The following PARD3B variants were observed in gnomAD, a reference collection of about 807,000 sequenced individuals.
PARD3B encodes the protein par-3 family cell polarity regulator beta.
PARD3B carries 103 observed loss-of-function variants against 130.2 expected under a neutral mutation model. That is an observed-to-expected ratio of 0.79 (90% CI 0.67 to 0.93). The LOEUF (loss-of-function observed/expected upper bound fraction) is 0.93. Among genes scored for constraint, PARD3B ranks in the 40% least tolerant of loss-of-function variants. The probability of loss-of-function intolerance (pLI) is 0.00; values close to 1 mark genes in which losing one functional copy is unlikely to be tolerated. For missense variants in PARD3B, 1,609 were observed against 1,499.2 expected (o/e 1.07, Z -1.21); for synonymous variants, 583 against 553.2 (o/e 1.05, Z -0.76).
intron 1 of PARD3B, among the ~76,000 whole-genome samples, chr2:204,652,818 A>G (rs2035525035): frequency 6.6e-6 from 1 of 151,202 alleles, no homozygotes; most frequent in Admixed American, 6.6e-5. Flanking sequence ...ACTTACAACC[A>G]TGGTGGAAGG....
chr2:205,063,360 A>G (rs985633271), intron 4 of PARD3B, among the ~76,000 whole-genome samples: 1 of 152,026 alleles, frequency 6.6e-6, no homozygotes, highest in African/African-American at 2.4e-5. Context: ...TTTAAAAAAT[A>G]AAGTCAAAAT....
chr2:205,255,805 C>T (rs759958036), intron 16 of PARD3B, among the ~76,000 whole-genome samples: 13 of 152,230 alleles, frequency 8.5e-5, no homozygotes, highest in South Asian at 2.1e-4. Flanking sequence ...CAGGCATCTC[C>T]GTGTGTTCAG....
At chr2:205,410,908 C>T (rs889061910) in intron 19 of PARD3B, among the ~76,000 whole-genome samples, 8 of 152,164 alleles carry the variant, frequency 5.3e-5, no homozygotes, top group Non-Finnish European at 1.0e-4. Context: ...CACCCGGCCT[C>T]CACCCGCCCC....
intron 2 of PARD3B, among the ~76,000 whole-genome samples, chr2:204,814,490 G>A (rs2043073657): frequency 1.3e-5 from 2 of 151,538 alleles, no homozygotes; most frequent in Admixed American, 1.3e-4. Context: ...TTTCTATATA[G>A]ATTCCCTGGT....
At chr2:204,684,704 C>G (rs2036995237) in intron 1 of PARD3B, among the ~76,000 whole-genome samples, 1 of 152,130 alleles carries the variant, frequency 6.6e-6, no homozygotes, top group Non-Finnish European at 1.5e-5. Context: ...AGTTGTGTGT[C>G]TTTCTTACCT....
At chr2:204,565,637 G>A (rs1200509275) in intron 1 of PARD3B, among the ~76,000 whole-genome samples, 1 of 152,116 alleles carries the variant, frequency 6.6e-6, no homozygotes. Context: ...TTTAATTTTT[G>A]GATTATGATT....
intron 11 of PARD3B, among the ~76,000 whole-genome samples, chr2:205,164,001 A>G (rs369776833): frequency 2.6e-5 from 4 of 152,050 alleles, no homozygotes; most frequent in African/African-American, 9.7e-5. Context: ...TGCTATTGAA[A>G]CTCCTCAAAT....
intron 2 of PARD3B, among the ~76,000 whole-genome samples, chr2:204,783,567 A>G (rs938109688): frequency 1.2e-4 from 18 of 152,200 alleles, no homozygotes; most frequent in Non-Finnish European, 7.3e-5. Context: ...AGCACTTTCT[A>G]TAGATTGGTG....
intron 4 of PARD3B, among the ~76,000 whole-genome samples, chr2:205,060,664 T>TGA (rs1700014238): frequency 6.6e-6 from 1 of 152,108 alleles, no homozygotes; most frequent in East Asian, 1.9e-4. Flanking sequence ...TTAATATATG[T>TGA]TAATAATAGT....
chr2:205,367,010 T>C (rs762100942), intron 18 of PARD3B, among the ~76,000 whole-genome samples: 4 of 152,208 alleles, frequency 2.6e-5, no homozygotes, highest in Admixed American at 6.5e-5. Flanking sequence ...GTCTGAACTC[T>C]TTTAAAGTTT....
intron 18 of PARD3B, among the ~76,000 whole-genome samples, chr2:205,385,691 C>T (rs375790669): frequency 6.6e-6 from 1 of 152,096 alleles, no homozygotes; most frequent in African/African-American, 2.4e-5. Context: ...CTGTCTGTGT[C>T]ATTTCTGACC....
Position 205,617,959 on chromosome 2 carries a change from G to A in PARD3B, c.*2146G>A, listed in dbSNP as rs2055487753. ...CTAGGCCACTTGAGGGGCAGCCAGG[G>A]GTGATGGTGTCAGGTGAGAATCCTG... On this transcript the variant is annotated 3_prime_UTR_variant, in exon 23 of 23. Transcript: ENST00000406610. 6.6e-6 allele frequency: 1 copy of A among 152,250 alleles called. No individual in the cohort carries two copies. Among genetic ancestry groups the A allele is most frequent in the Admixed American group, 6.5e-5 (1 of 15,282 alleles). 9.4% of individuals were successfully genotyped at this position (152,250 alleles called of 1,614,324 possible).
At chr2:204,825,754 G>A (rs563728926) in intron 2 of PARD3B, among the ~76,000 whole-genome samples, 54 of 152,262 alleles carry the variant, frequency 3.5e-4, no homozygotes, top group South Asian at 2.7e-3. Context: ...TCAATGGAGC[G>A]AGTTCTTGAA....
At position 205,146,496 on chromosome 2, in the gene PARD3B, A is replaced by G. The variant is rs1005219354; in HGVS notation, c.1435-12226A>G. Among the ~76,000 whole-genome samples the G allele has an allele frequency of 1.3e-5, 2 of 151,768 alleles. No individual in the cohort carries two copies. Among genetic ancestry groups the G allele is most frequent in the Non-Finnish European group, 2.9e-5 (2 of 67,982 alleles). ...AACCCCGTCTCTACTAAAAATACAAAAACATTTATCTGGGCGTGGTGGCGG... is the reference window on the plus strand; with the variant it reads ...AACCCCGTCTCTACTAAAAATACAAGAACATTTATCTGGGCGTGGTGGCGG... On this transcript the variant is annotated intron_variant, in intron 10 of 22. Coordinates refer to ENST00000406610, the MANE Select transcript of PARD3B (RefSeq NM_001302769.2). The surrounding 1 kb of genome is among the most constrained non-coding windows in gnomAD (Gnocchi z 4.3).
intron 4 of PARD3B, among the ~76,000 whole-genome samples, chr2:205,070,308 A>T (rs1188200633): frequency 6.6e-6 from 1 of 152,100 alleles, no homozygotes; most frequent in Admixed American, 6.6e-5. Flanking sequence ...TAATATCAAT[A>T]CTTAATCCAC....
At chr2:204,819,500 A>T (rs2043260602) in intron 2 of PARD3B, among the ~76,000 whole-genome samples, 1 of 152,138 alleles carries the variant, frequency 6.6e-6, no homozygotes, top group African/African-American at 2.4e-5. Flanking sequence ...CTTGAGACAC[A>T]ATGATAATAT....
chr2:204,877,896 A>G (rs1009919115), intron 2 of PARD3B, among the ~76,000 whole-genome samples: 1 of 152,160 alleles, frequency 6.6e-6, no homozygotes, highest in Non-Finnish European at 1.5e-5. Context: ...CAATTTAACT[A>G]TGGTATGTAT....
intron 7 of PARD3B, among the ~76,000 whole-genome samples, chr2:205,120,503 C>T (rs989223479): frequency 6.6e-6 from 1 of 152,160 alleles, no homozygotes; most frequent in Non-Finnish European, 1.5e-5. Context: ...TTATTATGTG[C>T]TGTGGCTGCT....
chr2:204,925,167 C>T (rs1687502890), intron 2 of PARD3B, among the ~76,000 whole-genome samples: 1 of 151,922 alleles, frequency 6.6e-6, no homozygotes, highest in Non-Finnish European at 1.5e-5. Flanking sequence ...TCAATTATCT[C>T]TGAGTAATAG....
Sources: gnomAD v4.1 joint callset for allele counts (sites outside exome capture counted in the v4.1 genomes callset) on GRCh38, gnomAD v4.1.1 for gene constraint, Gnocchi (gnomAD v3.1) non-coding constraint, MANE v1.5 for transcripts, NCBI Gene and HGNC (gene_info 2026-07-23, HGNC 2026-07-21) for gene names.